NSUN6: variants seen among roughly 807,000 people sequenced by gnomAD.
NSUN6 encodes the protein tRNA (cytosine(72)-C(5))-methyltransferase NSUN6.
NSUN6 carries 64 observed loss-of-function variants against 58.0 expected under a neutral mutation model. The observed-to-expected ratio is 1.10, with a 90% CI of 0.90 to 1.36. The LOEUF is 1.36. Ranked by LOEUF, NSUN6 falls within the 40% of genes most tolerant of loss-of-function variation. NSUN6 has a pLI of 0.00. For missense variants in NSUN6, 701 were observed against 550.1 expected, an observed-to-expected ratio of 1.27 and a Z score of -2.74; for synonymous variants, 231 against 193.9, an observed-to-expected ratio of 1.19 and a Z score of -1.59.
rs182218362 is a variant in NSUN6, at chr10:18,610,256, G to A, written c.576-330C>T. On this transcript the variant is annotated intron_variant, in intron 5 of 10. Coordinates refer to ENST00000377304, the MANE Select transcript of NSUN6 (RefSeq NM_182543.5). ...CCAGCTCCTCAGGAGGCTGAGACAG[G>A]AGAATCACTTGAACCTGGGAGGCAG... Among the ~76,000 whole-genome samples, 399 of 152,202 alleles carry A rather than the reference G, an allele frequency of 2.6e-3. 1 individual carries two copies. The highest frequency in any genetic ancestry group is 4.2e-3 in the Non-Finnish European group (288 of 68,024).
At chr10:18,548,079 T>G in intron 10 of NSUN6, 33 bp downstream of exon 10, 2 of 1,607,538 alleles carry the variant, frequency 1.2e-6, no homozygotes, top group South Asian at 2.2e-5. Flanking sequence ...GTGATTTATC[T>G]TATTACACAG....
intron 8 of NSUN6, among the ~76,000 whole-genome samples, chr10:18,558,308 A>G (rs537308232): frequency 6.6e-6 from 1 of 151,082 alleles, no homozygotes; most frequent in Non-Finnish European, 1.5e-5. Flanking sequence ...GGAGAATGGA[A>G]TGGAATGGAG....
Position 18,586,078 on chromosome 10 carries a change from G to C in NSUN6, c.793C>G (p.Leu265Val). ...LMHDQGEVIA[L>V]DKIFNKVEKI... Reference sequence around the variant, plus strand: ...TCTACTTTGTTGAAGATTTTATCCAGTGCTATAACTTCTCCCTAAAAAGAA... The same window carrying C: ...TCTACTTTGTTGAAGATTTTATCCACTGCTATAACTTCTCCCTAAAAAGAA... Residue 265 changes from leucine to valine, a missense_variant, in exon 8 of 11, where the codon CTG (leucine) becomes GTG (valine). Leu to Val is a conservative substitution (Grantham distance 32). Coordinates refer to ENST00000377304, the MANE Select transcript of NSUN6 (RefSeq NM_182543.5). 2 of 1,585,964 alleles carry C rather than the reference G, an allele frequency of 1.3e-6. No individual in the cohort carries two copies. The highest frequency in any genetic ancestry group is 1.7e-6 in the Non-Finnish European group (2 of 1,169,832).
At chr10:18,548,027 T>C in intron 10 of NSUN6, 85 bp downstream of exon 10, 1 of 1,325,660 alleles carries the variant, frequency 7.5e-7, no homozygotes, top group Non-Finnish European at 1.0e-6. Flanking sequence ...GTTTTACTTA[T>C]CTCTTCGTTA....
At chr10:18,632,981 C>T (rs1459759875) in intron 3 of NSUN6, among the ~76,000 whole-genome samples, 1 of 151,970 alleles carries the variant, frequency 6.6e-6, no homozygotes, top group Non-Finnish European at 1.5e-5. Context: ...GCATTATTCA[C>T]AATAGCAAAG....
At chr10:18,599,366 A>G (rs979001898) in intron 6 of NSUN6, among the ~76,000 whole-genome samples, 11 of 152,220 alleles carry the variant, frequency 7.2e-5, no homozygotes, top group Admixed American at 1.3e-4. Flanking sequence ...TGCTGGGATT[A>G]CAGCTGTGAG....
chr10:18,648,369 G>T (rs1266014020), intron 2 of NSUN6, 121 bp downstream of exon 2: 8 of 590,822 alleles, frequency 1.4e-5, no homozygotes, highest in African/African-American at 1.3e-4. Context: ...ACCATTCATG[G>T]TCCTCAATCT....
chr10:18,656,141 G>C (rs1008070175), upstream of NSUN6, among the ~76,000 whole-genome samples: 5 of 152,136 alleles, frequency 3.3e-5, no homozygotes, highest in Admixed American at 3.3e-4. Flanking sequence ...TACAGAAGGC[G>C]ATCATATTGA....
At chr10:18,620,273 G>C (rs1030051026) in intron 3 of NSUN6, among the ~76,000 whole-genome samples, 4 of 152,146 alleles carry the variant, frequency 2.6e-5, no homozygotes, top group African/African-American at 9.6e-5. Context: ...GTTTTTAGTA[G>C]AGATGGGGTT....
intron 3 of NSUN6, among the ~76,000 whole-genome samples, chr10:18,633,645 A>G (rs1192230711): frequency 6.6e-6 from 1 of 152,124 alleles, no homozygotes; most frequent in Non-Finnish European, 1.5e-5. Context: ...GTGAAAAAAA[A>G]ATCAGAATCT....
At chr10:18,586,322 G>T (rs935580105) in intron 7 of NSUN6, among the ~76,000 whole-genome samples, 3 of 151,400 alleles carry the variant, frequency 2.0e-5, no homozygotes, top group Non-Finnish European at 4.4e-5. Context: ...AGACCCTTGC[G>T]ATGAGTGTTA....
intron 3 of NSUN6, among the ~76,000 whole-genome samples, chr10:18,632,639 A>G (rs1394682684): frequency 2.6e-5 from 4 of 152,260 alleles, no homozygotes; most frequent in Non-Finnish European, 4.4e-5. Context: ...TATGCAGCCA[A>G]AAGACACACG....
chr10:18,594,597 C>T (rs188661456), intron 7 of NSUN6, among the ~76,000 whole-genome samples: 7 of 152,202 alleles, frequency 4.6e-5, no homozygotes, highest in East Asian at 1.9e-4. Context: ...TACAGGCACA[C>T]GCCACCATGC....
At chr10:18,571,374 A>T (rs2056350328) in intron 8 of NSUN6, among the ~76,000 whole-genome samples, 1 of 148,746 alleles carries the variant, frequency 6.7e-6, no homozygotes, top group Non-Finnish European at 1.5e-5. Context: ...ATTCCAGTTC[A>T]ATCTCCATTC....
rs764741458 is a variant in NSUN6, at chr10:18,548,248, CTG to C, written c.1072-13_1072-12del. The C allele has an allele frequency of 3.1e-5, 50 of 1,610,824 alleles. No homozygotes were observed. The highest frequency in any genetic ancestry group is 1.9e-4 in the South Asian group (17 of 90,674). On this transcript the variant is annotated splice_polypyrimidine_tract_variant and intron_variant, in intron 9 of 10. Transcript: ENST00000377304. ...CAGCAGCTGAACCGCCTAAAGAAAA[CTG>C]TGATCAGACCACACACAGCACAAGA...
chr10:18,568,577 T>C (rs1023608962), intron 8 of NSUN6, among the ~76,000 whole-genome samples: 1 of 150,920 alleles, frequency 6.6e-6, no homozygotes, highest in African/African-American at 2.4e-5. Context: ...CCATTCCCCT[T>C]TCCATTGCAT....
chr10:18,587,897 A>G (rs982954164), intron 7 of NSUN6, among the ~76,000 whole-genome samples: 1 of 151,628 alleles, frequency 6.6e-6, no homozygotes, highest in Non-Finnish European at 1.5e-5. Context: ...TTTGTACCTC[A>G]GTGGCACCTG....
intron 7 of NSUN6, among the ~76,000 whole-genome samples, chr10:18,590,271 G>C (rs979588347): frequency 2.6e-5 from 4 of 152,140 alleles, no homozygotes; most frequent in Non-Finnish European, 5.9e-5. Context: ...AGTTCTTAGA[G>C]ACCTACAAAG....
At chr10:18,583,128 G>A (rs139762245) in intron 8 of NSUN6, among the ~76,000 whole-genome samples, 597 of 152,248 alleles carry the variant, frequency 3.9e-3, no homozygotes, top group Non-Finnish European at 7.1e-3. Context: ...CTATTGTGAC[G>A]TGTCCCTGCC....
Sources: gnomAD v4.1 joint callset for allele counts (sites outside exome capture counted in the v4.1 genomes callset) on GRCh38, gnomAD v4.1.1 for gene constraint, MANE v1.5 for transcripts, NCBI Gene and HGNC (gene_info 2026-07-23, HGNC 2026-07-21) for gene names.